Variants in FMR1NB observed in about 807,000 individuals in gnomAD.
FMR1NB encodes FMR1 neighbor protein.
A neutral mutation model predicts 16.8 loss-of-function variants in FMR1NB; 10 were observed. The observed-to-expected ratio is 0.60, with a 90% CI of 0.37 to 1.01. The LOEUF is 1.01. FMR1NB is among the 50% of genes least tolerant of loss of function. The pLI, the probability that FMR1NB is intolerant of heterozygous loss-of-function variation, is 0.01. For missense variants in FMR1NB, 205 were observed against 204.8 expected, an observed-to-expected ratio of 1.00 and a Z score of 0.00; for synonymous variants, 83 against 79.1, an observed-to-expected ratio of 1.05 and a Z score of -0.26.
intron 1 of FMR1NB, among the ~76,000 whole-genome samples, chrX:147,993,945 CT>C (rs201796459): frequency 0.13 from 14,510 of 111,221 alleles, 1,219 homozygotes; most frequent in African/African-American, 0.31. Flanking sequence ...ACTGCTTTTC[CT>C]TTTCCTACAA....
At chrX:148,010,686 C>T (rs1179038311) in intron 4 of FMR1NB, among the ~76,000 whole-genome samples, 1 of 111,561 alleles carries the variant, frequency 9.0e-6, no homozygotes, top group African/African-American at 3.3e-5. Flanking sequence ...AAGCCAAACA[C>T]AATTGTTTGT....
chrX:148,006,660 A>C, intron 2 of FMR1NB, 42 bp from the exon 3 acceptor site: 1 of 1,172,037 alleles, frequency 8.5e-7, no homozygotes. Context: ...AGTGGTAACT[A>C]ACCATGCTGA....
chrX:147,982,386 A>G (rs1345815333), intron 1 of FMR1NB, among the ~76,000 whole-genome samples: 2 of 109,402 alleles, frequency 1.8e-5, no homozygotes, highest in African/African-American at 3.3e-5. Context: ...TTAGGAGTTC[A>G]AGACTAGCCT....
rs782753814 is a variant in FMR1NB at position 148,003,231 on chromosome X, A to G, written c.308A>G (p.His103Arg). Residue 103 changes from histidine (H) to arginine (R), a missense_variant, in exon 2 of 6, where the codon CAT becomes CGT. Coordinates refer to ENST00000370467, the MANE Select transcript of FMR1NB (RefSeq NM_152578.3). Reference sequence around the variant, plus strand: ...TCATATTTTGTGCTTGCAAATGGACATATCCTGCCCAACAGTGAAAATGCT... The same window carrying G: ...TCATATTTTGTGCTTGCAAATGGACGTATCCTGCCCAACAGTGAAAATGCT... ...GSSYFVLANG[H>R]ILPNSENAHG... is the part of the protein sequence containing the mutation. The G allele has an allele frequency of 2.5e-6, 3 of 1,210,511 alleles. No homozygotes were observed. The highest frequency in any genetic ancestry group is 2.2e-6 in the Non-Finnish European group (2 of 894,288).
At chrX:148,024,780 C>A in intron 4 of FMR1NB, 85 bp from the exon 5 acceptor site, 1 of 1,070,032 alleles carries the variant, frequency 9.3e-7, no homozygotes, top group Non-Finnish European at 1.3e-6. Flanking sequence ...GTTATCTGGG[C>A]AAATATTTTT....
At position 147,981,594 on chromosome X, in the gene FMR1NB, G is replaced by C; in HGVS notation, c.192G>C (p.Arg64=). 1 of 1,211,564 alleles carries C rather than the reference G, an allele frequency of 8.3e-7. No individual in the cohort carries two copies. The highest frequency in any genetic ancestry group is 1.1e-6 in the Non-Finnish European group (1 of 895,455). ...QPGWRESLKM[R]VSKPFGMLML... Reference sequence around the variant, plus strand: ...GATGGCGGGAATCTCTAAAGATGCGGGTCAGCAAACCCTTTGGGATGCTCA... The same window carrying C: ...GATGGCGGGAATCTCTAAAGATGCGCGTCAGCAAACCCTTTGGGATGCTCA... Residue 64 remains arginine, a synonymous_variant, in exon 1 of 6, where the codon CGG becomes CGC. Transcript: ENST00000370467.
At chrX:148,021,356 T>C (rs2031080158) in intron 4 of FMR1NB, among the ~76,000 whole-genome samples, 1 of 109,395 alleles carries the variant, frequency 9.1e-6, no homozygotes, top group South Asian at 4.0e-4. Context: ...TAAAAGCAAG[T>C]ACTCTGAGTG....
chrX:148,011,414 C>T (rs1382996455), intron 4 of FMR1NB, among the ~76,000 whole-genome samples: 1 of 111,536 alleles, frequency 9.0e-6, no homozygotes, highest in Non-Finnish European at 1.9e-5. Context: ...CACTATTGAC[C>T]ATATTCATTG....
intron 1 of FMR1NB, among the ~76,000 whole-genome samples, chrX:147,987,225 A>T (rs1250857887): frequency 8.9e-6 from 1 of 111,815 alleles, no homozygotes; most frequent in East Asian, 2.8e-4. Context: ...TTTGGGGCTG[A>T]GACGATGGGG....
In FMR1NB at chrX:148,019,715, C is replaced by G. The variant is rs782775935; in HGVS notation, c.633-5150C>G. 1.9e-3 allele frequency among the ~76,000 whole-genome samples: 211 copies of G among 112,201 alleles called. 1 individual carries two copies. Among genetic ancestry groups the G allele is most frequent in the African/African-American group, 6.4e-3 (198 of 30,883 alleles). On this transcript the variant is annotated intron_variant, in intron 4 of 5. Transcript: ENST00000370467. ...CCAGAATAATTCTCTGGATTACCAT[C>G]AGAGGCTCTTGTTCTCTTCCTTTCC...
chrX:147,991,647 C>CTTTTTTTTTTTTTTTTTTTTT (rs782065632), intron 1 of FMR1NB, among the ~76,000 whole-genome samples: 1 of 87,373 alleles, frequency 1.1e-5, no homozygotes, highest in Non-Finnish European at 2.2e-5. Context: ...GGCCTTCCTT[C>CTTTTTTTTTTTTTTTTTTTTT]TTTTTTTTTT....
chrX:147,985,230 T>A (rs2044470135), intron 1 of FMR1NB, among the ~76,000 whole-genome samples: 1 of 112,085 alleles, frequency 8.9e-6, no homozygotes, highest in African/African-American at 3.2e-5. Context: ...GAACGATTGA[T>A]GTTAATTCTT....
At chrX:147,995,664 A>G (rs1195733380) in intron 1 of FMR1NB, among the ~76,000 whole-genome samples, 1 of 112,768 alleles carries the variant, frequency 8.9e-6, no homozygotes, top group African/African-American at 3.2e-5. Flanking sequence ...CTAGTAGGTA[A>G]TATTTTCAAA....
At chrX:148,010,336 C>A (rs1359514621) in intron 4 of FMR1NB, among the ~76,000 whole-genome samples, 3 of 112,311 alleles carry the variant, frequency 2.7e-5, no homozygotes, top group Non-Finnish European at 1.9e-5. Flanking sequence ...GTAGCAGATT[C>A]ATCTTGCTGC....
chrX:148,009,704 C>A (rs2044614224), intron 4 of FMR1NB, among the ~76,000 whole-genome samples: 1 of 111,130 alleles, frequency 9.0e-6, no homozygotes, highest in South Asian at 3.8e-4. Context: ...TCCTTAAATT[C>A]TCTGATAAAG....
chrX:147,989,380 T>C (rs2044492400), intron 1 of FMR1NB, among the ~76,000 whole-genome samples: 1 of 111,968 alleles, frequency 8.9e-6, no homozygotes, highest in East Asian at 2.8e-4. Context: ...GGAAGCTTCA[T>C]CTCAGAGGGG....
chrX:147,984,930 A>G (rs1335395383), intron 1 of FMR1NB, among the ~76,000 whole-genome samples: 4 of 111,919 alleles, frequency 3.6e-5, no homozygotes, highest in African/African-American at 1.3e-4. Flanking sequence ...CTTTTTTTGC[A>G]TCAATTGAGA....
At chrX:147,992,073 C>G (rs371012009) in intron 1 of FMR1NB, among the ~76,000 whole-genome samples, 2,401 of 108,417 alleles carry the variant, frequency 0.022, no homozygotes, top group African/African-American at 0.053. Context: ...CACACAGACA[C>G]GGCAACTATC....
At chrX:147,995,710 T>C (rs1233081077) in intron 1 of FMR1NB, among the ~76,000 whole-genome samples, 3 of 112,941 alleles carry the variant, frequency 2.7e-5, no homozygotes, top group Non-Finnish European at 5.6e-5. Context: ...CAGTAACTAG[T>C]TTCTGTATCA....
Sources: gnomAD v4.1 joint callset for allele counts (sites outside exome capture counted in the v4.1 genomes callset) on GRCh38, gnomAD v4.1.1 for gene constraint, MANE v1.5 for transcripts, NCBI Gene and HGNC (gene_info 2026-07-23, HGNC 2026-07-21) for gene names.